ZNHIT6: variants seen among roughly 807,000 people sequenced by gnomAD.
ZNHIT6 encodes the protein zinc finger HIT-type containing 6.
In ZNHIT6, 45 loss-of-function variants were observed where a neutral mutation model predicts 57.2. That is an observed-to-expected ratio of 0.79 (90% CI 0.62 to 1.01). The LOEUF is 1.01. Ranked by LOEUF, ZNHIT6 falls within the 50% of genes least tolerant of loss-of-function variation. The pLI, the probability that ZNHIT6 is intolerant of heterozygous loss-of-function variation, is 0.00. For synonymous variants in ZNHIT6, 188 were observed against 190.0 expected, an observed-to-expected ratio of 0.99 and a Z score of 0.09; for missense variants, 528 against 567.3, an observed-to-expected ratio of 0.93 and a Z score of 0.70.
Position 85,707,859 on chromosome 1 carries a change from T to A in ZNHIT6, c.426A>T (p.Val142=). The A allele has an allele frequency of 6.2e-7, 1 of 1,614,036 alleles. No individual in the cohort carries two copies. The highest frequency in any genetic ancestry group is 8.5e-7 in the Non-Finnish European group (1 of 1,179,996). ...CTGACCAGTCCATTACCTCTTCCTT[T>A]ACCTTCTCTTCCTTTACCTCTGGTT... is the stretch of plus-strand genomic sequence containing the variant. ...VGEPEVKEEK[V]KEEVMDWSEV... Residue 142 remains valine, a synonymous_variant, in exon 1 of 10, where the codon GTA becomes GTT. Coordinates refer to ENST00000370574, the MANE Select transcript of ZNHIT6 (RefSeq NM_017953.4).
rs937454744 is a variant in ZNHIT6 at position 85,650,181 on chromosome 1, T to C, written c.*3877A>G. ...TGATCCAATCTGGGCAAAATAAAAG[T>C]ACTTCTCCAAAATTTTACATAGCTT... On this transcript the variant is annotated 3_prime_UTR_variant, in exon 10 of 10. Transcript: ENST00000370574. 46 of 152,334 alleles carry C rather than the reference T, an allele frequency of 3.0e-4. No homozygotes were observed. Among genetic ancestry groups the C allele is most frequent in the African/African-American group, 1.1e-3 (45 of 41,572 alleles). The allele number at this position is 152,334 out of a possible 1,614,324, so 9.4% of individuals were successfully genotyped here.
chr1:85,670,682 C>A (rs769992474), intron 8 of ZNHIT6, among the ~76,000 whole-genome samples: 1 of 152,104 alleles, frequency 6.6e-6, no homozygotes, highest in Non-Finnish European at 1.5e-5. Flanking sequence ...TCTAAAGATA[C>A]AGAAATTATA....
chr1:85,667,290 A>T (rs1661394632), intron 8 of ZNHIT6, among the ~76,000 whole-genome samples: 1 of 152,184 alleles, frequency 6.6e-6, no homozygotes, highest in Non-Finnish European at 1.5e-5. Context: ...CAATAAAAGT[A>T]TGTCATTCAT....
chr1:85,659,519 C>T (rs1018868421), intron 8 of ZNHIT6, among the ~76,000 whole-genome samples: 1 of 152,164 alleles, frequency 6.6e-6, no homozygotes, highest in East Asian at 1.9e-4. Flanking sequence ...CCTTTTATCT[C>T]CTGCTCAAAA....
rs11328038 is a variant in ZNHIT6, at chr1:85,692,718, TAA to T, written c.1019+9437_1019+9438del. The stretch of plus-strand genomic sequence containing the variant: ...TACTTATATTTATAGGATACCATGT[TAA>T]AAAAAAAAAAAAAGTCCTGTGCTTT... On this transcript the variant is annotated intron_variant, in intron 5 of 9. Transcript: ENST00000370574. Among the ~76,000 whole-genome samples the T allele has an allele frequency of 2.4e-3, 349 of 145,156 alleles. 1 individual carries two copies. Among genetic ancestry groups the T allele is most frequent in the South Asian group, 3.1e-3 (14 of 4,552 alleles).
intron 8 of ZNHIT6, among the ~76,000 whole-genome samples, chr1:85,664,188 T>G (rs755031425): frequency 6.6e-6 from 1 of 152,208 alleles, no homozygotes; most frequent in Non-Finnish European, 1.5e-5. Context: ...GGGATGCCAA[T>G]GATTCGTAGA....
In ZNHIT6 at chr1:85,707,639, C is replaced by T. The variant is rs1570342134; in HGVS notation, c.646G>A (p.Ala216Thr). Residue 216 changes from alanine to threonine, a missense_variant, in exon 1 of 10, where the codon GCC (alanine) becomes ACC (threonine). Transcript: ENST00000370574. The stretch of plus-strand genomic sequence containing the variant: ...TCCCCCATGCCCTACCTTGACATGG[C>T]CAGTTTCCGCTTGCAGCCCACCGGG... ...NHPVGCKRKL[A>T]MSRCETCGTE... 1.1e-5 allele frequency: 17 copies of T among 1,549,378 alleles called. No individual in the cohort carries two copies. The highest frequency in any genetic ancestry group is 2.2e-5 in the East Asian group (1 of 44,584).
intron 4 of ZNHIT6, among the ~76,000 whole-genome samples, chr1:85,704,156 T>C (rs1009024643): frequency 6.6e-6 from 1 of 152,194 alleles, no homozygotes; most frequent in African/African-American, 2.4e-5. Flanking sequence ...ATAGGTACAT[T>C]CATACACTAT....
intron 5 of ZNHIT6, among the ~76,000 whole-genome samples, chr1:85,698,705 A>G (rs2100713776): frequency 6.6e-6 from 1 of 152,262 alleles, no homozygotes; most frequent in African/African-American, 2.4e-5. Flanking sequence ...CAAAATCTCC[A>G]AAACTGAAAG....
intron 5 of ZNHIT6, among the ~76,000 whole-genome samples, chr1:85,697,386 T>A (rs1056336723): frequency 6.6e-5 from 10 of 152,168 alleles, no homozygotes; most frequent in African/African-American, 2.4e-4. Context: ...AATATTCCAG[T>A]ATTTTTATTT....
intron 5 of ZNHIT6, among the ~76,000 whole-genome samples, chr1:85,699,929 A>T (rs1388122818): frequency 6.6e-6 from 1 of 152,200 alleles, no homozygotes; most frequent in Admixed American, 6.5e-5. Context: ...TTCACAATGT[A>T]TTGCTAAATG....
chr1:85,698,609 T>G (rs1178589716), intron 5 of ZNHIT6, among the ~76,000 whole-genome samples: 1 of 152,158 alleles, frequency 6.6e-6, no homozygotes, highest in Non-Finnish European at 1.5e-5. Flanking sequence ...ATATTGCAAC[T>G]CAAGTTGCTT....
At chr1:85,703,362 T>A (rs987322013) in intron 4 of ZNHIT6, among the ~76,000 whole-genome samples, 2 of 152,064 alleles carry the variant, frequency 1.3e-5, no homozygotes, top group Admixed American at 1.3e-4. Context: ...AGAAAAAAAG[T>A]GGGAGGACTT....
rs557417456 is a variant in ZNHIT6 at position 85,689,641 on chromosome 1, G to A, written c.1020-8737C>T. On this transcript the variant is annotated intron_variant, in intron 5 of 9. Transcript: ENST00000370574. ...GAAAATGGATATAGCAGGTGAAGAC[G>A]GAAATGAAATGAAAAAGAACCTTTT... 1.6e-3 allele frequency among the ~76,000 whole-genome samples: 243 copies of A among 152,240 alleles called. 1 individual carries two copies. The highest frequency in any genetic ancestry group is 2.1e-3 in the Non-Finnish European group (143 of 68,012).
At chr1:85,691,785 C>T (rs553586727) in intron 5 of ZNHIT6, among the ~76,000 whole-genome samples, 10 of 152,108 alleles carry the variant, frequency 6.6e-5, no homozygotes, top group Admixed American at 2.6e-4. Flanking sequence ...CCCTGAGAGG[C>T]GGACGCACAA....
intron 1 of ZNHIT6, 74 bp downstream of exon 1, chr1:85,707,555 A>G (rs1340482456): frequency 7.0e-7 from 1 of 1,430,552 alleles, no homozygotes; most frequent in Non-Finnish European, 9.4e-7. Flanking sequence ...TTCTCCTGAT[A>G]GTGTGGTTTC....
chr1:85,706,480 T>C lies in ZNHIT6; in HGVS notation c.684A>G (p.Ala228=), dbSNP rs144156539. Residue 228 remains alanine, a synonymous_variant, in exon 2 of 10, where the codon GCA becomes GCG. Transcript: ENST00000370574. ...SRCETCGTEE[A]KYRCPRCMRY... ...GCATACAACGTGGACATCTGTACTT[T>C]GCTTCTTCTGTACCACAAGTCTCAC... 2.5e-4 allele frequency: 392 copies of C among 1,592,878 alleles called. No individual in the cohort carries two copies. In the African/African-American group the frequency reaches 4.8e-3, roughly 20 times the overall value.
rs1314193499 is a variant in ZNHIT6, at chr1:85,652,898, C to T, written c.*1160G>A. On this transcript the variant is annotated 3_prime_UTR_variant, in exon 10 of 10. Transcript: ENST00000370574. ...TAAAATTAAGAATTTTTTTTCAGTA[C>T]ATGAGATCAAACTGTATACAGAGCT... The T allele has an allele frequency of 6.6e-6, 1 of 152,068 alleles. No individual in the cohort carries two copies. Among genetic ancestry groups the T allele is most frequent in the African/African-American group, 2.4e-5 (1 of 41,414 alleles). The allele number at this position is 152,068 out of a possible 1,614,324, so 9.4% of individuals were successfully genotyped here. A position where few individuals can be genotyped will look rare whatever the true frequency, so the allele number is the denominator to read the frequency against.
chr1:85,665,520 T>C (rs1661347693), intron 8 of ZNHIT6, among the ~76,000 whole-genome samples: 1 of 152,148 alleles, frequency 6.6e-6, no homozygotes, highest in African/African-American at 2.4e-5. Context: ...ATTTTTTTCT[T>C]TTTTCTTGTG....
Sources: gnomAD v4.1 joint callset for allele counts (sites outside exome capture counted in the v4.1 genomes callset) on GRCh38, gnomAD v4.1.1 for gene constraint, MANE v1.5 for transcripts, NCBI Gene and HGNC (gene_info 2026-07-23, HGNC 2026-07-21) for gene names.